The following CABCOCO1 variants were observed in gnomAD, a reference collection of about 807,000 sequenced individuals.
The protein encoded by CABCOCO1 is ciliary-associated calcium-binding coiled-coil protein 1.
CABCOCO1 carries 28 observed loss-of-function variants against 35.7 expected under a neutral mutation model. That is an observed-to-expected ratio of 0.78 (90% CI 0.58 to 1.07). CABCOCO1 has a LOEUF of 1.07. CABCOCO1 is among the 50% of genes least tolerant of loss of function. CABCOCO1 has a pLI of 0.00. For synonymous variants in CABCOCO1, 95 were observed against 100.1 expected (o/e 0.95, Z 0.30); for missense variants, 326 against 309.2 (o/e 1.05, Z -0.41).
chr10:61,753,194 T>A (rs1302156718), intron 5 of CABCOCO1, among the ~76,000 whole-genome samples: 2 of 152,132 alleles, frequency 1.3e-5, no homozygotes, highest in Non-Finnish European at 2.9e-5. Context: ...ATAAAATTTT[T>A]AAATATTAAA....
Position 61,690,556 on chromosome 10 carries a change from C to G in CABCOCO1, c.487C>G (p.Gln163Glu). Residue 163 changes from glutamine (Q) to glutamate (E), a missense_variant, in exon 5 of 8, where the codon CAA becomes GAA. Transcript: ENST00000648843. The part of the protein sequence containing the change: ...IIDYLKISLF[Q>E]HYKLYEFMFY... ...ATTTATTTTATATTTCAGCTTATTT[C>G]AACACTACAAGCTATACGAGTTTAT... 1 of 1,598,562 alleles carries G rather than the reference C, an allele frequency of 6.3e-7. No individual in the cohort carries two copies. The highest frequency in any genetic ancestry group is 8.6e-7 in the Non-Finnish European group (1 of 1,168,918).
At chr10:61,665,662 C>T (rs907823463) in intron 1 of CABCOCO1, among the ~76,000 whole-genome samples, 1 of 151,686 alleles carries the variant, frequency 6.6e-6, no homozygotes, top group Non-Finnish European at 1.5e-5. Flanking sequence ...CCGAGGCGGG[C>T]GGATCACGAG....
At chr10:61,755,413 C>T (rs1489184610) in intron 5 of CABCOCO1, among the ~76,000 whole-genome samples, 1 of 151,900 alleles carries the variant, frequency 6.6e-6, no homozygotes, top group Non-Finnish European at 1.5e-5. Context: ...GCCTTTTTTC[C>T]CTTAGTTAAT....
intron 3 of CABCOCO1, among the ~76,000 whole-genome samples, chr10:61,682,398 A>G (rs1839820177): frequency 6.6e-6 from 1 of 152,172 alleles, no homozygotes; most frequent in South Asian, 2.1e-4. Context: ...ACAAACTTAT[A>G]GTCATCATTA....
chr10:61,680,449 T>A (rs1481071157), intron 2 of CABCOCO1, among the ~76,000 whole-genome samples: 7 of 45,940 alleles, frequency 1.5e-4, no homozygotes, highest in South Asian at 5.9e-4. Context: ...TATAATATAT[T>A]TTATATATAA....
intron 3 of CABCOCO1, chr10:61,685,083 A>G (rs1839915272): frequency 6.6e-6 from 1 of 152,086 alleles, no homozygotes; most frequent in Admixed American, 6.6e-5. Flanking sequence ...CTCTTTGTGC[A>G]TTTTCATCGG....
At chr10:61,678,080 G>A (rs984227550) in intron 2 of CABCOCO1, among the ~76,000 whole-genome samples, 3 of 151,766 alleles carry the variant, frequency 2.0e-5, no homozygotes, top group Non-Finnish European at 4.4e-5. Flanking sequence ...TATTATGTGG[G>A]ATGGTATTTT....
intron 5 of CABCOCO1, among the ~76,000 whole-genome samples, chr10:61,713,458 A>G (rs1840781357): frequency 6.6e-6 from 1 of 152,250 alleles, no homozygotes; most frequent in South Asian, 2.1e-4. Context: ...AACTGCAAAC[A>G]GGGACAATTT....
intron 4 of CABCOCO1, among the ~76,000 whole-genome samples, chr10:61,687,819 T>C (rs1840012590): frequency 6.6e-6 from 1 of 152,116 alleles, no homozygotes; most frequent in African/African-American, 2.4e-5. Context: ...ATCACAGCAA[T>C]TGTTGATGCT....
chr10:61,757,056 A>C (rs909389463), intron 5 of CABCOCO1, among the ~76,000 whole-genome samples: 1 of 151,976 alleles, frequency 6.6e-6, no homozygotes, highest in Non-Finnish European at 1.5e-5. Context: ...CTGTTTTTAA[A>C]TAGATTTTAT....
chr10:61,681,022 AT>A (rs1378051525), intron 2 of CABCOCO1, 120 bp from the exon 3 acceptor site: 1 of 487,830 alleles, frequency 2.0e-6, no homozygotes, highest in African/African-American at 2.1e-5. Context: ...ATGAAGCTTG[AT>A]GTAACTGAAT....
chr10:61,766,214 T>C lies in CABCOCO1; in HGVS notation c.*201T>C. ...CATCCCATAACAGCCTCTGAATTTA[T>C]TGCACCAAGTGTAATGAGAACATTT... is the stretch of plus-strand genomic sequence containing the variant. On this transcript the variant is annotated 3_prime_UTR_variant, in exon 8 of 8. Transcript: ENST00000648843. 2.2e-6 allele frequency: 1 copy of C among 453,466 alleles called. No individual in the cohort carries two copies. The highest frequency in any genetic ancestry group is 4.0e-6 in the Non-Finnish European group (1 of 251,380). The allele number at this position is 453,466 out of a possible 1,614,324, so 28.1% of individuals were successfully genotyped here. A position where few individuals can be genotyped will look rare whatever the true frequency, so the allele number is the denominator to read the frequency against.
At chr10:61,714,415 G>T (rs1171514074) in intron 5 of CABCOCO1, among the ~76,000 whole-genome samples, 1 of 151,854 alleles carries the variant, frequency 6.6e-6, no homozygotes. Flanking sequence ...TTCTTTATTA[G>T]TCTTGCTAGT....
chr10:61,724,413 T>C (rs1841094627), intron 5 of CABCOCO1, among the ~76,000 whole-genome samples: 1 of 152,198 alleles, frequency 6.6e-6, no homozygotes, highest in Non-Finnish European at 1.5e-5. Context: ...ATACAGGATA[T>C]GGAAAAGACC....
intron 5 of CABCOCO1, among the ~76,000 whole-genome samples, chr10:61,717,036 C>A (rs1041824685): frequency 2.0e-5 from 3 of 152,090 alleles, no homozygotes. Flanking sequence ...GCGAACACTA[C>A]CGAATTCTTA....
intron 5 of CABCOCO1, among the ~76,000 whole-genome samples, chr10:61,717,509 CAAT>C (rs1332596082): frequency 5.3e-5 from 8 of 151,890 alleles, no homozygotes; most frequent in Non-Finnish European, 8.8e-5. Flanking sequence ...TCCACAACTA[CAAT>C]GAGACAAAAT....
At chr10:61,674,906 TA>T (rs1199148858) in intron 2 of CABCOCO1, among the ~76,000 whole-genome samples, 3 of 152,148 alleles carry the variant, frequency 2.0e-5, no homozygotes, top group African/African-American at 7.2e-5. Context: ...GAATAAGGAC[TA>T]AAATGAAAGT....
At chr10:61,756,924 C>T (rs917589702) in intron 5 of CABCOCO1, among the ~76,000 whole-genome samples, 1 of 151,820 alleles carries the variant, frequency 6.6e-6, no homozygotes, top group Non-Finnish European at 1.5e-5. Context: ...TACAATTCTA[C>T]AGGAATGTAT....
chr10:61,712,473 T>C (rs1840754928), intron 5 of CABCOCO1, among the ~76,000 whole-genome samples: 1 of 152,220 alleles, frequency 6.6e-6, no homozygotes, highest in Non-Finnish European at 1.5e-5. Flanking sequence ...ACTCTGACAG[T>C]AGTTTCTTTT....
Sources: allele counts gnomAD v4.1 joint callset (sites outside exome capture counted in the v4.1 genomes callset), GRCh38; gene constraint gnomAD v4.1.1; transcripts MANE v1.5; gene names NCBI Gene and HGNC (gene_info 2026-07-23, HGNC 2026-07-21).